The following LYPD6B variants were observed in gnomAD, a reference collection of about 807,000 sequenced individuals.
LYPD6B encodes ly6/PLAUR domain-containing protein 6B.
A neutral mutation model predicts 22.8 loss-of-function variants in LYPD6B; 17 were observed. The ratio of observed to expected loss-of-function variants is 0.75; its 90% CI spans 0.51 to 1.12. LYPD6B has a LOEUF of 1.12. Ranked by LOEUF, LYPD6B falls within the 50% of genes most tolerant of loss-of-function variation. LYPD6B has a pLI of 0.00. For missense variants in LYPD6B, 221 were observed against 258.3 expected (o/e 0.86, Z 0.99); for synonymous variants, 106 against 91.6 (o/e 1.16, Z -0.90).
At chr2:149,072,663 G>A (rs1328155319) in intron 1 of LYPD6B, among the ~76,000 whole-genome samples, 1 of 151,564 alleles carries the variant, frequency 6.6e-6, no homozygotes, top group African/African-American at 2.4e-5. Flanking sequence ...CAGCCTCCCC[G>A]GTAGCTGGGA....
chr2:149,043,800 T>C (rs1683191576), intron 1 of LYPD6B, among the ~76,000 whole-genome samples: 1 of 152,130 alleles, frequency 6.6e-6, no homozygotes. Context: ...CTTTAATTTT[T>C]GTATAAGGGA....
chr2:149,139,193 C>T (rs2105757031), intron 2 of LYPD6B, among the ~76,000 whole-genome samples: 1 of 152,324 alleles, frequency 6.6e-6, no homozygotes, highest in African/African-American at 2.4e-5. Context: ...CCTGGAGCCC[C>T]TATGCTTTGG....
intron 3 of LYPD6B, among the ~76,000 whole-genome samples, chr2:149,189,604 G>A (rs1331070352): frequency 6.6e-6 from 1 of 151,760 alleles, no homozygotes; most frequent in East Asian, 1.9e-4. Flanking sequence ...TAGAGTAAGG[G>A]AGAAGTGCTG....
chr2:149,042,779 G>T (rs1683143727), intron 1 of LYPD6B, among the ~76,000 whole-genome samples: 1 of 152,326 alleles, frequency 6.6e-6, no homozygotes, highest in African/African-American at 2.4e-5. Context: ...ACTGGATATA[G>T]TGCTGGAAAT....
At position 149,050,921 on chromosome 2, in the gene LYPD6B, C is replaced by A. The variant is rs1237670177; in HGVS notation, c.-67+12120C>A. Among the ~76,000 whole-genome samples the A allele has an allele frequency of 5.9e-5, 9 of 152,112 alleles. No homozygotes were observed. In the East Asian group the frequency reaches 1.7e-3, roughly 29 times the overall value. On this transcript the variant is annotated intron_variant, in intron 1 of 6. Coordinates refer to ENST00000409642, the MANE Select transcript of LYPD6B (RefSeq NM_177964.5). ...TCTTATTACAAAGATGATATATATT[C>A]ATTATAAAAGATGTATAAAATAACA...
intron 3 of LYPD6B, chr2:149,187,419 T>A (rs1438769995): frequency 3.9e-6 from 6 of 1,524,172 alleles, no homozygotes; most frequent in Non-Finnish European, 5.3e-6. Context: ...AGATTATTAT[T>A]TTCTAGATGT....
intron 3 of LYPD6B, among the ~76,000 whole-genome samples, chr2:149,183,446 T>C (rs1006131032): frequency 8.8e-5 from 9 of 102,090 alleles, no homozygotes; most frequent in African/African-American, 3.0e-4. Flanking sequence ...AAGAAAATAA[T>C]TTTTTTTTCC....
intron 1 of LYPD6B, chr2:149,101,425 C>T (rs561559392): frequency 5.3e-4 from 81 of 152,440 alleles, no homozygotes; most frequent in African/African-American, 1.8e-3. Context: ...CCCTAAAAGA[C>T]ACTGAATTAT....
At chr2:149,203,392 G>T (rs1693302768) in intron 3 of LYPD6B, among the ~76,000 whole-genome samples, 1 of 152,008 alleles carries the variant, frequency 6.6e-6, no homozygotes, top group African/African-American at 2.4e-5. Flanking sequence ...CCACACAAAG[G>T]GTCTCCACTG....
intron 3 of LYPD6B, among the ~76,000 whole-genome samples, chr2:149,167,583 A>C (rs1690513540): frequency 6.6e-6 from 1 of 151,936 alleles, no homozygotes; most frequent in African/African-American, 2.4e-5. Flanking sequence ...ACAGTGGGGG[A>C]GCAGGCTCAG....
intron 2 of LYPD6B, among the ~76,000 whole-genome samples, chr2:149,150,861 C>A (rs2105825604): frequency 6.6e-6 from 1 of 152,114 alleles, no homozygotes; most frequent in African/African-American, 2.4e-5. Flanking sequence ...AATATTTCTA[C>A]TTTCTGAAAG....
At chr2:149,097,274 A>T (rs1408928236) in intron 1 of LYPD6B, among the ~76,000 whole-genome samples, 2 of 152,210 alleles carry the variant, frequency 1.3e-5, no homozygotes, top group Admixed American at 6.5e-5. Flanking sequence ...CAAGAACAAG[A>T]TGCAGACAAT....
intron 3 of LYPD6B, chr2:149,204,976 G>C: frequency 3.1e-6 from 1 of 326,984 alleles, no homozygotes; most frequent in South Asian, 6.5e-5. Flanking sequence ...GGTGCAGCCA[G>C]GCCAGCTCTG....
chr2:149,206,341 C>A, intron 4 of LYPD6B: 1 of 210,254 alleles, frequency 4.8e-6, no homozygotes, highest in South Asian at 8.4e-5. Flanking sequence ...CTGTTCTTTA[C>A]TTTGTGCTTT....
intron 2 of LYPD6B, among the ~76,000 whole-genome samples, chr2:149,157,990 G>A (rs555189003): frequency 1.3e-5 from 2 of 152,270 alleles, no homozygotes; most frequent in East Asian, 1.9e-4. Context: ...AGAGTTACAC[G>A]TAGCAGGGGA....
At chr2:149,143,090 A>G (rs1490484217) in intron 2 of LYPD6B, among the ~76,000 whole-genome samples, 1 of 152,226 alleles carries the variant, frequency 6.6e-6, no homozygotes, top group Non-Finnish European at 1.5e-5. Context: ...GTTAACATGC[A>G]TAATCATTCA....
chr2:149,179,641 G>A (rs888113423), intron 3 of LYPD6B, among the ~76,000 whole-genome samples: 1 of 152,082 alleles, frequency 6.6e-6, no homozygotes, highest in Admixed American at 6.6e-5. Flanking sequence ...TAATCAGTTC[G>A]CAGAGACCTG....
rs542686232 is a variant in LYPD6B, at chr2:149,197,279, C to T, written c.78-7974C>T. Among the ~76,000 whole-genome samples the T allele has an allele frequency of 5.9e-5, 9 of 152,234 alleles. No homozygotes were observed. The East Asian group carries it at 1.4e-3, about 23-fold the overall frequency. On this transcript the variant is annotated intron_variant, in intron 3 of 6. Coordinates refer to ENST00000409642, the MANE Select transcript of LYPD6B (RefSeq NM_177964.5). The stretch of plus-strand genomic sequence containing the variant: ...CTGTAATCCCAGCACTTTGGGAGAC[C>T]GAGGCGGGCAGATCACAAGGTCAAG...
At chr2:149,105,937 TG>T (rs1686451227) in intron 1 of LYPD6B, among the ~76,000 whole-genome samples, 2 of 152,160 alleles carry the variant, frequency 1.3e-5, no homozygotes, top group African/African-American at 4.8e-5. Context: ...TCATAGATAC[TG>T]TACTCTATCA....
Sources: allele counts gnomAD v4.1 joint callset (sites outside exome capture counted in the v4.1 genomes callset), GRCh38; gene constraint gnomAD v4.1.1; transcripts MANE v1.5; gene names NCBI Gene and HGNC (gene_info 2026-07-23, HGNC 2026-07-21).